Variants in KIF6 observed in about 807,000 individuals in gnomAD.
The protein encoded by KIF6 is kinesin-like protein KIF6.
Under a neutral mutation model 112.7 loss-of-function variants are expected in KIF6, and 106 were observed. The observed-to-expected ratio is 0.94, with a 90% CI of 0.80 to 1.11. The LOEUF is 1.11. KIF6 is among the 50% of genes least tolerant of loss of function. KIF6 has a pLI of 0.00. For synonymous variants in KIF6, 339 were observed against 339.9 expected (o/e 1.00, Z 0.03); for missense variants, 929 against 964.0 (o/e 0.96, Z 0.48).
At chr6:39,496,906 G>A (rs569402383) in intron 13 of KIF6, among the ~76,000 whole-genome samples, 37 of 152,264 alleles carry the variant, frequency 2.4e-4, no homozygotes, top group Admixed American at 9.1e-4. Context: ...TACTTAAAAC[G>A]TCTAACTCTT....
At chr6:39,565,517 C>T (rs955365341) in intron 10 of KIF6, among the ~76,000 whole-genome samples, 2 of 152,172 alleles carry the variant, frequency 1.3e-5, no homozygotes, top group African/African-American at 2.4e-5. Context: ...TTCCAAGTCT[C>T]AGGTATGAAG....
chr6:39,532,078 G>T lies in KIF6; in HGVS notation c.1645+7925C>A, dbSNP rs138592022. Among the ~76,000 whole-genome samples, 275 of 152,160 alleles carry T rather than the reference G, an allele frequency of 1.8e-3. 1 individual carries two copies. Among genetic ancestry groups the T allele is most frequent in the African/African-American group, 6.1e-3 (254 of 41,498 alleles). The stretch of plus-strand genomic sequence containing the variant: ...TCACCCCCGCTTTTGGGATTTTCCT[G>T]GTCTTAACCGGAGGTTGGCTTCCTG... On this transcript the variant is annotated intron_variant, in intron 13 of 22. Transcript: ENST00000287152.
At chr6:39,415,859 G>A (rs1769882239) in intron 15 of KIF6, among the ~76,000 whole-genome samples, 1 of 151,770 alleles carries the variant, frequency 6.6e-6, no homozygotes, top group Admixed American at 6.6e-5. Flanking sequence ...TGGGTTGGGG[G>A]GTTCTTTGAA....
At chr6:39,387,285 T>C (rs1306975706) in intron 15 of KIF6, among the ~76,000 whole-genome samples, 5 of 152,222 alleles carry the variant, frequency 3.3e-5, no homozygotes, top group African/African-American at 9.6e-5. Flanking sequence ...TCCTCTGTCA[T>C]TGGCATAGGA....
At chr6:39,360,209 C>G (rs1309086026) in intron 18 of KIF6, among the ~76,000 whole-genome samples, 186 bp downstream of exon 18, 1 of 152,200 alleles carries the variant, frequency 6.6e-6, no homozygotes, top group Non-Finnish European at 1.5e-5. Flanking sequence ...TTAGGCATGA[C>G]AGCAAGGAAA....
chr6:39,608,354 G>A lies in KIF6; in HGVS notation c.639+4835C>T, dbSNP rs1018159869. 9.2e-5 allele frequency among the ~76,000 whole-genome samples: 14 copies of A among 152,164 alleles called. 1 individual carries two copies. Among genetic ancestry groups the A allele is most frequent in the South Asian group, 8.3e-4 (4 of 4,828 alleles). On this transcript the variant is annotated intron_variant, in intron 6 of 22. Transcript: ENST00000287152. Reference sequence around the variant, plus strand: ...TTAGCCTAGCCTACCTTCAACGTGCGCAGAACACTTATATTAGCCTACAGT... The same window carrying A: ...TTAGCCTAGCCTACCTTCAACGTGCACAGAACACTTATATTAGCCTACAGT...
chr6:39,567,071 T>C (rs1437064066), intron 10 of KIF6, among the ~76,000 whole-genome samples: 1 of 152,202 alleles, frequency 6.6e-6, no homozygotes, highest in Non-Finnish European at 1.5e-5. Context: ...CATTAAAACA[T>C]GATTTGCTTC....
intron 13 of KIF6, among the ~76,000 whole-genome samples, chr6:39,447,862 T>C (rs1399428677): frequency 1.3e-5 from 2 of 152,212 alleles, no homozygotes; most frequent in East Asian, 3.9e-4. Flanking sequence ...AGATCCCCAG[T>C]GATCCTGGAT....
intron 6 of KIF6, among the ~76,000 whole-genome samples, chr6:39,599,751 A>G (rs768215073): frequency 1.6e-4 from 25 of 152,216 alleles, no homozygotes; most frequent in Admixed American, 4.6e-4. Flanking sequence ...CTGACAATCA[A>G]TATAAACAAA....
intron 5 of KIF6, among the ~76,000 whole-genome samples, chr6:39,619,343 T>C (rs539228637): frequency 2.0e-5 from 3 of 152,298 alleles, no homozygotes; most frequent in African/African-American, 7.2e-5. Flanking sequence ...TGGACTCTTG[T>C]AAGTCTGAAT....
At chr6:39,436,411 T>C (rs539201692) in intron 13 of KIF6, among the ~76,000 whole-genome samples, 49 of 152,282 alleles carry the variant, frequency 3.2e-4, no homozygotes, top group Non-Finnish European at 4.0e-4. Context: ...CATTTGCTTT[T>C]AGGGTCTTAG....
At chr6:39,417,394 A>G (rs993145821) in intron 15 of KIF6, among the ~76,000 whole-genome samples, 1 of 152,250 alleles carries the variant, frequency 6.6e-6, no homozygotes, top group Non-Finnish European at 1.5e-5. Context: ...CTTTATAGGC[A>G]TCACTGAATT....
Position 39,343,758 on chromosome 6 carries a change from C to A in KIF6, c.2379G>T (p.Ser793=). 6.2e-7 allele frequency: 1 copy of A among 1,613,090 alleles called. No individual in the cohort carries two copies. The highest frequency in any genetic ancestry group is 8.5e-7 in the Non-Finnish European group (1 of 1,179,662). ...IPLTGDSQTD[S]DIIAFIKARQ... is the part of the protein sequence containing the mutation. ...TGGCCTTGATGAAGGCGATGATGTC[C>A]GAGTCCGTCTGGCTGTCTCCGGTGA... Residue 793 remains serine (S), a synonymous_variant, in exon 22 of 23, where the codon TCG becomes TCT. Coordinates refer to ENST00000287152, the MANE Select transcript of KIF6 (RefSeq NM_145027.6). The surrounding 1 kb of genome is among the most constrained non-coding windows in gnomAD (Gnocchi z 4.1).
chr6:39,380,551 A>G (rs1766842467), intron 16 of KIF6, among the ~76,000 whole-genome samples: 1 of 152,190 alleles, frequency 6.6e-6, no homozygotes, highest in African/African-American at 2.4e-5. Flanking sequence ...GTGCACATGC[A>G]CGCGCACACA....
At chr6:39,589,740 C>T (rs1288131321) in intron 7 of KIF6, among the ~76,000 whole-genome samples, 3 of 152,154 alleles carry the variant, frequency 2.0e-5, no homozygotes, top group Non-Finnish European at 4.4e-5. Context: ...TTCTGGAATC[C>T]AGTGCCATGT....
intron 19 of KIF6, among the ~76,000 whole-genome samples, chr6:39,352,404 C>A (rs1237628777): frequency 2.6e-5 from 4 of 152,170 alleles, no homozygotes; most frequent in Non-Finnish European, 5.9e-5. Flanking sequence ...TTCACTGCCC[C>A]CAAAATTCCC....
At chr6:39,588,936 T>C (rs1202370257) in intron 7 of KIF6, among the ~76,000 whole-genome samples, 3 of 152,220 alleles carry the variant, frequency 2.0e-5, no homozygotes, top group African/African-American at 4.8e-5. Context: ...CCTTCCACGA[T>C]CTGTTCTCCA....
chr6:39,722,654 A>G (rs1790285655), intron 1 of KIF6, among the ~76,000 whole-genome samples: 3 of 152,234 alleles, frequency 2.0e-5, no homozygotes, highest in African/African-American at 4.8e-5. Context: ...CCTTTGAGTC[A>G]CTCTCAATTT....
At chr6:39,581,001 T>C (rs1781257175) in intron 9 of KIF6, among the ~76,000 whole-genome samples, 2 of 152,110 alleles carry the variant, frequency 1.3e-5, no homozygotes, top group African/African-American at 4.8e-5. Flanking sequence ...ATTAATAATC[T>C]TCCTATCATA....
Sources: allele counts gnomAD v4.1 joint callset (sites outside exome capture counted in the v4.1 genomes callset), GRCh38; gene constraint gnomAD v4.1.1; non-coding constraint Gnocchi (gnomAD v3.1); transcripts MANE v1.5; gene names NCBI Gene and HGNC (gene_info 2026-07-23, HGNC 2026-07-21).